Variants in STPG2 observed in about 807,000 individuals in gnomAD.
The protein encoded by STPG2 is sperm-tail PG-rich repeat-containing protein 2.
A neutral mutation model predicts 54.2 loss-of-function variants in STPG2; 56 were observed. The ratio of observed to expected loss-of-function variants is 1.03; its 90% CI spans 0.83 to 1.29. The LOEUF (loss-of-function observed/expected upper bound fraction) is 1.29. Among genes scored for constraint, STPG2 ranks in the 50% most tolerant of loss-of-function variants. The probability of loss-of-function intolerance (pLI) is 0.00; values close to 1 mark genes in which losing one functional copy is unlikely to be tolerated. For missense variants in STPG2, 596 were observed against 544.9 expected (o/e 1.09, Z -0.93); for synonymous variants, 200 against 181.8 (o/e 1.10, Z -0.81).
At chr4:97,597,429 A>G (rs1370625297) in intron 10 of STPG2, among the ~76,000 whole-genome samples, 1 of 152,134 alleles carries the variant, frequency 6.6e-6, no homozygotes. Context: ...TCATCCTGAT[A>G]CCAAAACCTG....
At chr4:97,479,059 T>G (rs1360558766) in intron 4 of STPG2, among the ~76,000 whole-genome samples, 1 of 151,832 alleles carries the variant, frequency 6.6e-6, no homozygotes, top group Non-Finnish European at 1.5e-5. Flanking sequence ...ATTGATTAAA[T>G]ATTTAAATAT....
At chr4:97,942,753 G>C (rs936185952) in intron 8 of STPG2, among the ~76,000 whole-genome samples, 6 of 152,108 alleles carry the variant, frequency 3.9e-5, no homozygotes, top group Admixed American at 6.6e-5. Flanking sequence ...CAAATCAACT[G>C]TTGGCATTAT....
intron 2 of STPG2, among the ~76,000 whole-genome samples, chr4:98,130,877 A>G (rs6832573): frequency 0.39 from 54,875 of 140,946 alleles, 10,950 homozygotes; most frequent in African/African-American, 0.45. Context: ...AGCCGAGATC[A>G]CGCCACTGCA....
intron 9 of STPG2, among the ~76,000 whole-genome samples, chr4:97,735,513 T>C (rs181650937): frequency 1.2e-3 from 188 of 150,632 alleles, no homozygotes; most frequent in African/African-American, 4.3e-3. Flanking sequence ...AATTCATCCC[T>C]GTAACGAAAA....
In STPG2 at chr4:97,718,293, G is replaced by C. The variant is rs1468404838; in HGVS notation, c.1205-5479C>G. Among the ~76,000 whole-genome samples the C allele has an allele frequency of 2.6e-5, 4 of 151,984 alleles. No homozygotes were observed. In the South Asian group the frequency reaches 8.3e-4, roughly 31 times the overall value. On this transcript the variant is annotated intron_variant, in intron 9 of 10. Coordinates refer to ENST00000295268, the MANE Select transcript of STPG2 (RefSeq NM_174952.3). ...AACTAAATTCTTCACAAACATTAAAGAAAATCACTAATTTATACCATTTAA... is the reference window on the plus strand; with the variant it reads ...AACTAAATTCTTCACAAACATTAAACAAAATCACTAATTTATACCATTTAA...
At chr4:97,648,673 C>A (rs1250014027) in intron 10 of STPG2, among the ~76,000 whole-genome samples, 1 of 152,066 alleles carries the variant, frequency 6.6e-6, no homozygotes, top group African/African-American at 2.4e-5. Context: ...GGTTATGAGA[C>A]AATGGGACTC....
At chr4:97,534,602 G>A (rs1222801879) in intron 4 of STPG2, among the ~76,000 whole-genome samples, 1 of 151,780 alleles carries the variant, frequency 6.6e-6, no homozygotes, top group Non-Finnish European at 1.5e-5. Context: ...ACTGTATTCT[G>A]TTCTCTTTTT....
intron 9 of STPG2, among the ~76,000 whole-genome samples, chr4:97,727,339 T>C (rs1020628378): frequency 6.6e-6 from 1 of 151,922 alleles, no homozygotes; most frequent in African/African-American, 2.4e-5. Flanking sequence ...ACCTTTTTTA[T>C]GAGTATGATT....
intron 5 of STPG2, among the ~76,000 whole-genome samples, chr4:98,091,792 T>C (rs783947): frequency 0.46 from 69,115 of 151,818 alleles, 16,072 homozygotes; most frequent in Admixed American, 0.56. Flanking sequence ...TCAGATATCA[T>C]TGGATTCTCA....
At chr4:98,017,072 AAGCCTG>A (rs1423881681) in intron 5 of STPG2, among the ~76,000 whole-genome samples, 1 of 152,174 alleles carries the variant, frequency 6.6e-6, no homozygotes, top group African/African-American at 2.4e-5. Flanking sequence ...TGCTAGCCTG[AAGCCTG>A]AGTCTGCAGG....
chr4:97,848,900 T>C (rs1482302783), intron 8 of STPG2, among the ~76,000 whole-genome samples: 1 of 150,678 alleles, frequency 6.6e-6, no homozygotes. Context: ...TTGGTTACTG[T>C]AGCCTTGTAG....
chr4:98,091,444 C>G (rs1182269922), intron 5 of STPG2, among the ~76,000 whole-genome samples: 1 of 152,084 alleles, frequency 6.6e-6, no homozygotes, highest in Non-Finnish European at 1.5e-5. Flanking sequence ...TGTACTCCGT[C>G]TGACAAATAG....
chr4:97,914,516 C>A (rs1217765482), intron 8 of STPG2, among the ~76,000 whole-genome samples: 2 of 151,964 alleles, frequency 1.3e-5, no homozygotes, highest in Non-Finnish European at 2.9e-5. Flanking sequence ...TGTTGCATAA[C>A]CATAACCACC....
intron 8 of STPG2, among the ~76,000 whole-genome samples, chr4:97,863,324 C>T (rs1023834623): frequency 6.6e-5 from 10 of 152,076 alleles, no homozygotes; most frequent in Non-Finnish European, 1.0e-4. Context: ...AACACCTCTA[C>T]GCAAATAAGC....
At chr4:97,615,050 G>T (rs1051857836) in intron 10 of STPG2, among the ~76,000 whole-genome samples, 2 of 151,994 alleles carry the variant, frequency 1.3e-5, no homozygotes, top group African/African-American at 4.8e-5. Flanking sequence ...GTAAACTGTG[G>T]ATTTCTTTGG....
chr4:97,550,789 G>A (rs2148867409), intron 4 of STPG2, among the ~76,000 whole-genome samples: 2 of 152,156 alleles, frequency 1.3e-5, no homozygotes, highest in East Asian at 3.9e-4. Context: ...GACTTCAGGA[G>A]TGAAGCCACA....
At chr4:97,617,411 GA>G (rs1733903909) in intron 10 of STPG2, among the ~76,000 whole-genome samples, 1 of 152,152 alleles carries the variant, frequency 6.6e-6, no homozygotes, top group African/African-American at 2.4e-5. Context: ...TTCAGAATTA[GA>G]ATCAATTACA....
chr4:97,808,255 C>G (rs934278558), intron 9 of STPG2, among the ~76,000 whole-genome samples: 1 of 151,646 alleles, frequency 6.6e-6, no homozygotes, highest in East Asian at 1.9e-4. Context: ...CTATACAAAC[C>G]AATACTAATG....
At chr4:97,963,803 T>TCTATC (rs1733989439) in intron 7 of STPG2, among the ~76,000 whole-genome samples, 1 of 151,886 alleles carries the variant, frequency 6.6e-6, no homozygotes, top group Non-Finnish European at 1.5e-5. Flanking sequence ...ATATCAAAGG[T>TCTATC]TGATGACAGA....
Sources: gnomAD v4.1 joint callset for allele counts (sites outside exome capture counted in the v4.1 genomes callset) on GRCh38, gnomAD v4.1.1 for gene constraint, MANE v1.5 for transcripts, NCBI Gene and HGNC (gene_info 2026-07-23, HGNC 2026-07-21) for gene names.